The following GBF1 variants were observed in gnomAD, a reference collection of about 807,000 sequenced individuals.
GBF1 encodes the protein golgi brefeldin A resistant guanine nucleotide exchange factor 1, also known as Golgi-specific brefeldin A-resistance guanine nucleotide exchange factor 1.
Under a neutral mutation model 210.5 loss-of-function variants are expected in GBF1, and 114 were observed. That is an observed-to-expected ratio of 0.54 (90% CI 0.47 to 0.63). The LOEUF (loss-of-function observed/expected upper bound fraction) is 0.63, where lower values mean the gene tolerates loss of function less well. Ranked by LOEUF, GBF1 falls within the 30% of genes least tolerant of loss-of-function variation. The pLI is 0.00. For synonymous variants in GBF1, 850 were observed against 889.2 expected (o/e 0.96, Z 0.78); for missense variants, 1,851 against 2,357.7 (o/e 0.79, Z 4.45).
chr10:102,236,447 T>C, the GBF1 span, among the ~76,000 whole-genome samples: 1 of 152,336 alleles, frequency 6.6e-6, no homozygotes, highest in East Asian at 1.9e-4. Flanking sequence ...GTGAGGGATG[T>C]GTGGCCCAGT....
At chr10:102,372,537 G>C (rs1425543736) in intron 29 of GBF1, among the ~76,000 whole-genome samples, 1 of 152,196 alleles carries the variant, frequency 6.6e-6, no homozygotes, top group African/African-American at 2.4e-5. Context: ...TATAGCTATA[G>C]TAGTCAAGAT....
At chr10:102,334,498 G>A (rs1036493249) in intron 3 of GBF1, among the ~76,000 whole-genome samples, 3 of 152,166 alleles carry the variant, frequency 2.0e-5, no homozygotes, top group Admixed American at 6.5e-5. Flanking sequence ...CACATGTTGA[G>A]GCCTTTGACA....
At chr10:102,248,076 C>T (rs1201578322) in intron 1 of GBF1, among the ~76,000 whole-genome samples, 1 of 152,164 alleles carries the variant, frequency 6.6e-6, no homozygotes, top group African/African-American at 2.4e-5. Context: ...GTACTCACTG[C>T]AAGGATCACC....
intron 3 of GBF1, among the ~76,000 whole-genome samples, chr10:102,307,443 C>CA (rs1214986314): frequency 0.051 from 2,589 of 50,294 alleles, 33 homozygotes; most frequent in Middle Eastern, 0.11. Flanking sequence ...CCAACCTTGG[C>CA]AAAAAAAAAA....
At chr10:102,255,582 C>T (rs1265165476) in intron 1 of GBF1, among the ~76,000 whole-genome samples, 1 of 152,194 alleles carries the variant, frequency 6.6e-6, no homozygotes, top group East Asian at 1.9e-4. Flanking sequence ...AGTTTCTTTC[C>T]CTGGAGGCCG....
intron 1 of GBF1, 72 bp from the exon 2 acceptor site, chr10:102,258,857 C>A: frequency 4.1e-6 from 3 of 732,406 alleles, no homozygotes; most frequent in Non-Finnish European, 7.5e-6. Flanking sequence ...TTATCAGGTA[C>A]TGATTTTTAA....
chr10:102,358,459 C>G, intron 9 of GBF1, 47 bp from the exon 10 acceptor site: 2 of 1,378,664 alleles, frequency 1.5e-6, no homozygotes, highest in Non-Finnish European at 2.1e-6. Context: ...TTGTTTTGCC[C>G]ACAGCCTCTT....
intron 3 of GBF1, among the ~76,000 whole-genome samples, chr10:102,340,100 C>T (rs769194676): frequency 9.9e-5 from 15 of 151,136 alleles, no homozygotes; most frequent in Admixed American, 7.3e-4. Flanking sequence ...ACTACAGGTG[C>T]GCGCCACCAT....
Position 102,367,199 on chromosome 10 carries a change from A to G in GBF1, c.2548A>G (p.Met850Val). 1 of 1,614,108 alleles carries G rather than the reference A, an allele frequency of 6.2e-7. No homozygotes were observed. Among genetic ancestry groups the G allele is most frequent in the Non-Finnish European group, 8.5e-7 (1 of 1,179,984 alleles). The change falls in exon 20 of 40, where the codon ATG (methionine) becomes GTG (valine). Residue 850 changes from methionine to valine, a missense_variant. Met to Val is a conservative substitution (Grantham distance 21). Around this residue, in one of 3 missense-constraint regions of GBF1, gnomAD observed 80 missense variants for 151.4 expected, o/e 0.53. Transcript: ENST00000369983. ...CAATGTTCGTAAACAGAATGCACCC[A>G]TGACCCTGGAGGTAAGCTTGGGTCC... ...NHNVRKQNAP[M>V]TLEEFRKNLK...
intron 3 of GBF1, among the ~76,000 whole-genome samples, chr10:102,286,435 C>T (rs2075962484): frequency 2.0e-5 from 3 of 152,054 alleles, no homozygotes. Context: ...GATTATTCCT[C>T]GGGATTTATT....
chr10:102,359,676 A>G (rs2059483907), intron 11 of GBF1, among the ~76,000 whole-genome samples: 1 of 152,048 alleles, frequency 6.6e-6, no homozygotes, highest in Non-Finnish European at 1.5e-5. Context: ...AAGGGAAAAA[A>G]GCTTAGGACT....
intron 3 of GBF1, among the ~76,000 whole-genome samples, chr10:102,340,720 C>G (rs1260694566): frequency 6.6e-6 from 1 of 152,080 alleles, no homozygotes; most frequent in East Asian, 1.9e-4. Context: ...GACAAAGGTG[C>G]AAAGACAACT....
At chr10:102,342,379 TCACA>T (rs1256731151) in intron 3 of GBF1, among the ~76,000 whole-genome samples, 1 of 149,720 alleles carries the variant, frequency 6.7e-6, no homozygotes, top group Admixed American at 6.6e-5. Flanking sequence ...TTTCAGTTTT[TCACA>T]CACACGCACA....
At chr10:102,319,147 C>T (rs1043946813) in intron 3 of GBF1, among the ~76,000 whole-genome samples, 2 of 152,208 alleles carry the variant, frequency 1.3e-5, no homozygotes, top group African/African-American at 4.8e-5. Context: ...GAAACCCCGT[C>T]TCTACTAAAA....
Position 102,331,496 on chromosome 10 carries a change from G to C in GBF1, c.164-12555G>C, listed in dbSNP as rs1400397960. On this transcript the variant is annotated intron_variant, in intron 3 of 39. Transcript: ENST00000369983. ...GGGTTTTGATTCATTAAAAAAAACAGATTGGGGCTGGGCACGGTGTCTCAA... is the reference window on the plus strand; with the variant it reads ...GGGTTTTGATTCATTAAAAAAAACACATTGGGGCTGGGCACGGTGTCTCAA... 1.7e-4 allele frequency among the ~76,000 whole-genome samples: 26 copies of C among 151,990 alleles called. 1 individual carries two copies. The highest frequency in any genetic ancestry group is 3.7e-4 in the Non-Finnish European group (25 of 68,000).
chr10:102,291,716 G>A (rs1352384402), intron 3 of GBF1, among the ~76,000 whole-genome samples: 2 of 152,120 alleles, frequency 1.3e-5, no homozygotes, highest in African/African-American at 2.4e-5. Context: ...GGCCTTGCCT[G>A]TATCCCTTTG....
At chr10:102,276,525 CAAAAA>C (rs67888654) in intron 3 of GBF1, among the ~76,000 whole-genome samples, 8 of 113,560 alleles carry the variant, frequency 7.0e-5, no homozygotes, top group Non-Finnish European at 7.4e-5. Context: ...GACTCTGCCT[CAAAAA>C]AAAAAAAAAA....
intron 20 of GBF1, 26 bp downstream of exon 20, chr10:102,367,236 A>G (rs2059962351): frequency 1.2e-6 from 2 of 1,611,572 alleles, no homozygotes; most frequent in South Asian, 1.1e-5. Flanking sequence ...AGTCAAGGCA[A>G]AGAAGACCCA....
At chr10:102,341,824 T>C (rs1035981010) in intron 3 of GBF1, among the ~76,000 whole-genome samples, 4 of 152,166 alleles carry the variant, frequency 2.6e-5, no homozygotes, top group African/African-American at 7.2e-5. Context: ...CCTACTCTTT[T>C]ACCGTGAAGG....
Sources: allele counts gnomAD v4.1 joint callset (sites outside exome capture counted in the v4.1 genomes callset), GRCh38; gene constraint gnomAD v4.1.1; regional missense constraint gnomAD v4.1.1; transcripts MANE v1.5; gene names NCBI Gene and HGNC (gene_info 2026-07-23, HGNC 2026-07-21).